Variants in C1QTNF7 observed in about 807,000 individuals in gnomAD.
C1QTNF7 encodes C1q and TNF related 7.
C1QTNF7 carries 15 observed loss-of-function variants against 19.6 expected under a neutral mutation model. That is an observed-to-expected ratio of 0.76 (90% CI 0.51 to 1.18). C1QTNF7 has a LOEUF of 1.18. Among genes scored for constraint, C1QTNF7 ranks in the 50% most tolerant of loss-of-function variants. C1QTNF7 has a pLI of 0.00. For missense variants in C1QTNF7, 324 were observed against 359.7 expected, an observed-to-expected ratio of 0.90 and a Z score of 0.80; for synonymous variants, 142 against 137.5, an observed-to-expected ratio of 1.03 and a Z score of -0.23.
rs924707373 is a variant in C1QTNF7, at chr4:15,446,111, C to G, written c.*3312C>G. 1.3e-5 allele frequency: 2 copies of G among 152,122 alleles called. No individual in the cohort carries two copies. The highest frequency in any genetic ancestry group is 4.8e-5 in the African/African-American group (2 of 41,426). The allele number at this position is 152,122 out of a possible 1,614,324, so 9.4% of individuals were successfully genotyped here. ...ATAGATTCTATAAACTCTAAATATA[C>G]TTTTTTTCTACCACTCTGTGTAAAA... is the stretch of plus-strand genomic sequence containing the variant. On this transcript the variant is annotated 3_prime_UTR_variant, in exon 3 of 3. Coordinates refer to ENST00000444304, the MANE Select transcript of C1QTNF7 (RefSeq NM_031911.5).
At chr4:15,354,981 G>C (rs566193844) in intron 1 of C1QTNF7, among the ~76,000 whole-genome samples, 3 of 152,234 alleles carry the variant, frequency 2.0e-5, no homozygotes, top group East Asian at 3.9e-4. Flanking sequence ...CCTAGCCAGG[G>C]CGCGCTTTGG....
At chr4:15,397,082 C>T (rs1718811363) in intron 1 of C1QTNF7, among the ~76,000 whole-genome samples, 1 of 152,130 alleles carries the variant, frequency 6.6e-6, no homozygotes, top group South Asian at 2.1e-4. Flanking sequence ...AAGCAGAAAA[C>T]CCTGATAAAC....
At chr4:15,417,971 T>C (rs1340278902) in intron 1 of C1QTNF7, among the ~76,000 whole-genome samples, 1 of 152,046 alleles carries the variant, frequency 6.6e-6, no homozygotes, top group African/African-American at 2.4e-5. Context: ...TCCATCCCCA[T>C]GACCCAAACA....
upstream of C1QTNF7, chr4:15,339,811 G>T (rs1716478069): frequency 7.6e-6 from 2 of 264,548 alleles, no homozygotes; most frequent in Non-Finnish European, 1.4e-5. Flanking sequence ...CTCAGTCTGG[G>T]GTTTGCAGAA....
At chr4:15,438,703 G>C (rs529084293) in intron 2 of C1QTNF7, among the ~76,000 whole-genome samples, 2 of 152,250 alleles carry the variant, frequency 1.3e-5, no homozygotes, top group South Asian at 2.1e-4. Context: ...TCTTGAAAAA[G>C]ATCATTCATT....
chr4:15,370,636 AAGG>A (rs1279655160), intron 1 of C1QTNF7, among the ~76,000 whole-genome samples: 2 of 152,202 alleles, frequency 1.3e-5, no homozygotes, highest in Non-Finnish European at 2.9e-5. Context: ...TAGCCTTTGA[AAGG>A]AGATTATAAG....
chr4:15,374,779 C>T (rs910154825), intron 1 of C1QTNF7: 3 of 958,338 alleles, frequency 3.1e-6, no homozygotes, highest in Middle Eastern at 5.2e-4. Context: ...TGTAAGTAAA[C>T]AGCCCTCTCT....
At chr4:15,426,470 TAAA>T (rs768158171), upstream of C1QTNF7, among the ~76,000 whole-genome samples, 1 of 151,794 alleles carries the variant, frequency 6.6e-6, no homozygotes, top group Non-Finnish European at 1.5e-5. Context: ...ATGAAAATAA[TAAA>T]GAAGAAAAAG....
intron 1 of C1QTNF7, among the ~76,000 whole-genome samples, chr4:15,399,979 A>G (rs532243186): frequency 8.5e-5 from 13 of 152,350 alleles, no homozygotes; most frequent in African/African-American, 2.6e-4. Flanking sequence ...CAGAAAGTCT[A>G]TCCAATTTTT....
intron 1 of C1QTNF7, chr4:15,374,717 C>T: frequency 1.0e-6 from 1 of 985,386 alleles, no homozygotes; most frequent in Non-Finnish European, 1.2e-6. Context: ...AGCTCCACAT[C>T]TGCGCACACT....
intron 1 of C1QTNF7, among the ~76,000 whole-genome samples, chr4:15,369,403 C>CAAAATCTATATGTATTTTGTA (rs1717642221): frequency 6.6e-6 from 1 of 152,144 alleles, no homozygotes; most frequent in Admixed American, 6.5e-5. Context: ...TATCTATAAA[C>CAAAATCTATATGTATTTTGTA]TCTGTTAAAC....
intron 1 of C1QTNF7, among the ~76,000 whole-genome samples, chr4:15,355,915 T>G (rs1254993124): frequency 1.3e-5 from 2 of 152,126 alleles, no homozygotes; most frequent in Non-Finnish European, 2.9e-5. Flanking sequence ...TGGAGTGCAG[T>G]GGCCCAGTCA....
At chr4:15,432,870 A>C (rs1456429216) in intron 1 of C1QTNF7, among the ~76,000 whole-genome samples, 7 of 152,226 alleles carry the variant, frequency 4.6e-5, no homozygotes, top group African/African-American at 1.7e-4. Context: ...CATTGTTTTA[A>C]TTTATTCCTT....
chr4:15,390,160 A>G (rs6449135), intron 1 of C1QTNF7, among the ~76,000 whole-genome samples: 73,293 of 151,996 alleles, frequency 0.48, 19,279 homozygotes, highest in African/African-American at 0.69. Context: ...ATGCAGATGT[A>G]GGGGCTGGCT....
At chr4:15,438,235 A>C (rs1047469549) in intron 2 of C1QTNF7, among the ~76,000 whole-genome samples, 1 of 152,240 alleles carries the variant, frequency 6.6e-6, no homozygotes, top group African/African-American at 2.4e-5. Flanking sequence ...ATTTAAATAC[A>C]ATATACACAC....
chr4:15,419,453 A>G (rs1050428962), intron 1 of C1QTNF7, among the ~76,000 whole-genome samples: 1 of 152,186 alleles, frequency 6.6e-6, no homozygotes, highest in Non-Finnish European at 1.5e-5. Flanking sequence ...TTATGATATA[A>G]TATTAGGTTA....
At chr4:15,412,221 G>A (rs190677994) in intron 1 of C1QTNF7, among the ~76,000 whole-genome samples, 1 of 152,264 alleles carries the variant, frequency 6.6e-6, no homozygotes, top group African/African-American at 2.4e-5. Flanking sequence ...CTTATCATGA[G>A]TTGTATAATT....
chr4:15,356,677 G>A (rs1717156532), intron 1 of C1QTNF7, among the ~76,000 whole-genome samples: 1 of 152,184 alleles, frequency 6.6e-6, no homozygotes, highest in African/African-American at 2.4e-5. Flanking sequence ...TCACCACACT[G>A]TCTTCCACAA....
intron 1 of C1QTNF7, among the ~76,000 whole-genome samples, chr4:15,435,269 G>T (rs921562955): frequency 1.3e-5 from 2 of 152,154 alleles, no homozygotes; most frequent in African/African-American, 4.8e-5. Context: ...TGTAGAAATG[G>T]CATGGTATCA....
Sources: allele counts gnomAD v4.1 joint callset (sites outside exome capture counted in the v4.1 genomes callset), GRCh38; gene constraint gnomAD v4.1.1; transcripts MANE v1.5; gene names NCBI Gene and HGNC (gene_info 2026-07-23, HGNC 2026-07-21).